The following ATRNL1 variants were observed in gnomAD, a reference collection of about 807,000 sequenced individuals.
ATRNL1 encodes attractin like 1.
A neutral mutation model predicts 182.7 loss-of-function variants in ATRNL1; 95 were observed. That is an observed-to-expected ratio of 0.52 (90% confidence interval 0.44 to 0.62). The LOEUF (loss-of-function observed/expected upper bound fraction) is 0.62. Among genes scored for constraint, ATRNL1 ranks in the 20% least tolerant of loss-of-function variants. The probability of loss-of-function intolerance (pLI) is 0.00; values close to 1 mark genes in which losing one functional copy is unlikely to be tolerated. For synonymous variants in ATRNL1, 576 were observed against 568.3 expected, an observed-to-expected ratio of 1.01 and a Z score of -0.19; for missense variants, 1,471 against 1,679.5, an observed-to-expected ratio of 0.88 and a Z score of 2.17.
At chr10:115,485,368 A>G (rs1592723233) in intron 24 of ATRNL1, among the ~76,000 whole-genome samples, 4 of 152,124 alleles carry the variant, frequency 2.6e-5, no homozygotes, top group South Asian at 4.1e-4. Flanking sequence ...TCTAATTAAC[A>G]GATAAAATTG....
chr10:115,200,426 G>A (rs1208746387), intron 8 of ATRNL1, among the ~76,000 whole-genome samples: 1 of 136,304 alleles, frequency 7.3e-6, no homozygotes, highest in African/African-American at 2.8e-5. Context: ...CCCTTCCTGT[G>A]TCCATGTGTT....
chr10:115,136,559 G>GT (rs1845522881), intron 5 of ATRNL1, among the ~76,000 whole-genome samples: 1 of 152,272 alleles, frequency 6.6e-6, no homozygotes, highest in South Asian at 2.1e-4. Context: ...CAACAGAATA[G>GT]TTTTTTTAAC....
At chr10:115,534,554 T>C (rs1851835322) in intron 25 of ATRNL1, among the ~76,000 whole-genome samples, 1 of 152,294 alleles carries the variant, frequency 6.6e-6, no homozygotes, top group Non-Finnish European at 1.5e-5. Flanking sequence ...TCTTGACTCT[T>C]TATCCAGTTT....
At chr10:115,387,535 C>G (rs1243058511) in intron 19 of ATRNL1, among the ~76,000 whole-genome samples, 1 of 152,176 alleles carries the variant, frequency 6.6e-6, no homozygotes, top group African/African-American at 2.4e-5. Context: ...CAGTGTTGTG[C>G]AGCCAACACC....
intron 26 of ATRNL1, among the ~76,000 whole-genome samples, chr10:115,678,503 A>T (rs554914477): frequency 6.6e-6 from 1 of 152,200 alleles, no homozygotes; most frequent in South Asian, 2.1e-4. Context: ...TTTTATTACC[A>T]CTTTGCTCAT....
At position 115,594,773 on chromosome 10, in the gene ATRNL1, G is replaced by A. The variant is rs1296654215; in HGVS notation, c.3795+45237G>A. ...ACCTGCCTCAGCCTCCCAAAGTGGTGGAATTACAGATGTGAGCCACCATGC... is the reference window on the plus strand; with the variant it reads ...ACCTGCCTCAGCCTCCCAAAGTGGTAGAATTACAGATGTGAGCCACCATGC... On this transcript the variant is annotated intron_variant, in intron 26 of 28. Coordinates refer to ENST00000355044, the MANE Select transcript of ATRNL1 (RefSeq NM_207303.4). 2.6e-5 allele frequency among the ~76,000 whole-genome samples: 4 copies of A among 152,124 alleles called. 1 individual carries two copies. The highest frequency in any genetic ancestry group is 5.9e-5 in the Non-Finnish European group (4 of 68,018).
intron 17 of ATRNL1, among the ~76,000 whole-genome samples, chr10:115,305,110 T>C (rs986468983): frequency 1.3e-5 from 2 of 151,832 alleles, no homozygotes; most frequent in African/African-American, 2.4e-5. Flanking sequence ...GGTCACCCAG[T>C]TGATACTAGT....
chr10:115,480,219 C>CAT (rs1848703794), intron 24 of ATRNL1, among the ~76,000 whole-genome samples: 2 of 150,964 alleles, frequency 1.3e-5, no homozygotes, highest in Admixed American at 6.6e-5. Flanking sequence ...CACACACACA[C>CAT]ACACACACAC....
chr10:115,426,292 A>G lies in ATRNL1; in HGVS notation c.3312A>G (p.Gly1104=). The G allele has an allele frequency of 1.9e-6, 3 of 1,610,172 alleles. No homozygotes were observed. The highest frequency in any genetic ancestry group is 2.5e-6 in the Non-Finnish European group (3 of 1,177,104). The change falls in exon 21 of 29, where the codon GGA becomes GGG. Residue 1104 remains glycine (G), a synonymous_variant. Coordinates refer to ENST00000355044, the MANE Select transcript of ATRNL1 (RefSeq NM_207303.4). The part of the protein sequence containing the change: ...ENRYVGNPLR[G]TCYYSLLIDY... ...GCTATGTTGGTAATCCACTTAGAGG[A>G]ACATGTTATTGTAAGTATATGTGTA...
chr10:115,903,248 G>A (rs797037564), intron 28 of ATRNL1, among the ~76,000 whole-genome samples: 8 of 152,248 alleles, frequency 5.3e-5, no homozygotes, highest in African/African-American at 1.9e-4. Context: ...AGTTCAAACT[G>A]CTTTTTACCC....
At chr10:115,787,185 G>C (rs576491316) in intron 27 of ATRNL1, among the ~76,000 whole-genome samples, 1 of 152,262 alleles carries the variant, frequency 6.6e-6, no homozygotes, top group South Asian at 2.1e-4. Context: ...GATTTGGGAA[G>C]CATCTTTGTA....
chr10:115,186,614 C>A (rs1431318519), intron 8 of ATRNL1, among the ~76,000 whole-genome samples: 3 of 152,042 alleles, frequency 2.0e-5, no homozygotes, highest in African/African-American at 7.2e-5. Context: ...AAGAAAACTG[C>A]ATGTTCTCAC....
chr10:115,846,413 A>G (rs1196899152), intron 27 of ATRNL1, among the ~76,000 whole-genome samples: 1 of 152,140 alleles, frequency 6.6e-6, no homozygotes, highest in Non-Finnish European at 1.5e-5. Flanking sequence ...AAACGACAGT[A>G]TTCTAGAATA....
chr10:115,186,111 A>G (rs1847929566), intron 8 of ATRNL1, among the ~76,000 whole-genome samples: 1 of 151,904 alleles, frequency 6.6e-6, no homozygotes, highest in African/African-American at 2.4e-5. Flanking sequence ...TAAGAGATTA[A>G]TATCCAAAAT....
At chr10:115,755,594 C>T (rs1323601527) in intron 27 of ATRNL1, among the ~76,000 whole-genome samples, 2 of 152,142 alleles carry the variant, frequency 1.3e-5, no homozygotes, top group East Asian at 1.9e-4. Flanking sequence ...AGGATTTTTG[C>T]ATCGATGTTC....
At chr10:115,527,796 CCTT>C (rs1851303194) in intron 25 of ATRNL1, among the ~76,000 whole-genome samples, 2 of 130,318 alleles carry the variant, frequency 1.5e-5, no homozygotes, top group African/African-American at 5.7e-5. Flanking sequence ...CTCCCTCCCT[CCTT>C]CCCTCCCTCC....
At chr10:115,188,506 ACTTT>A (rs1848043664) in intron 8 of ATRNL1, among the ~76,000 whole-genome samples, 1 of 152,126 alleles carries the variant, frequency 6.6e-6, no homozygotes, top group South Asian at 2.1e-4. Context: ...TACCTCATAA[ACTTT>A]CTAAGAATCT....
At chr10:115,242,658 A>T (rs1850471873) in intron 10 of ATRNL1, among the ~76,000 whole-genome samples, 1 of 152,032 alleles carries the variant, frequency 6.6e-6, no homozygotes, top group African/African-American at 2.4e-5. Context: ...TTGGTAAATT[A>T]TTTCAAGTAG....
intron 24 of ATRNL1, among the ~76,000 whole-genome samples, chr10:115,505,098 G>A (rs1554980978): frequency 2.0e-5 from 3 of 152,048 alleles, no homozygotes; most frequent in African/African-American, 7.2e-5. Flanking sequence ...GTGCTAGAGG[G>A]AGATTAAAGA....
Sources: allele counts gnomAD v4.1 joint callset (sites outside exome capture counted in the v4.1 genomes callset), GRCh38; gene constraint gnomAD v4.1.1; transcripts MANE v1.5; gene names NCBI Gene and HGNC (gene_info 2026-07-23, HGNC 2026-07-21).